LYPD6B: variants seen among roughly 807,000 people sequenced by gnomAD.
The protein encoded by LYPD6B is ly6/PLAUR domain-containing protein 6B.
A neutral mutation model predicts 22.8 loss-of-function variants in LYPD6B; 17 were observed. The observed-to-expected ratio is 0.75, with a 90% CI of 0.51 to 1.12. The LOEUF is 1.12. LYPD6B is among the 50% of genes most tolerant of loss of function. LYPD6B has a pLI of 0.00. For missense variants in LYPD6B, 221 were observed against 258.3 expected (o/e 0.86, Z 0.99); for synonymous variants, 106 against 91.6 (o/e 1.16, Z -0.90).
intron 2 of LYPD6B, chr2:149,131,371 T>A (rs1688018135): frequency 1.2e-5 from 2 of 163,662 alleles, no homozygotes; most frequent in Admixed American, 1.3e-4. Context: ...TTATTTTATT[T>A]TCCTATGGAT....
intron 1 of LYPD6B, among the ~76,000 whole-genome samples, chr2:149,103,689 C>A (rs1686324601): frequency 1.3e-5 from 2 of 150,160 alleles, no homozygotes; most frequent in African/African-American, 4.9e-5. Context: ...CAGGGAAGTA[C>A]TTTCTGCCAG....
At chr2:149,133,891 A>G (rs1688185547) in intron 2 of LYPD6B, among the ~76,000 whole-genome samples, 1 of 152,224 alleles carries the variant, frequency 6.6e-6, no homozygotes, top group South Asian at 2.1e-4. Flanking sequence ...ACAGCAGTGA[A>G]CAAGCCATGG....
intron 3 of LYPD6B, among the ~76,000 whole-genome samples, chr2:149,204,348 A>G (rs977102071): frequency 1.3e-5 from 2 of 152,186 alleles, no homozygotes; most frequent in Non-Finnish European, 2.9e-5. Flanking sequence ...TCTGCTGCCC[A>G]CACCTCCTCC....
At chr2:149,126,439 C>T (rs1382557490) in intron 1 of LYPD6B, among the ~76,000 whole-genome samples, 1 of 152,036 alleles carries the variant, frequency 6.6e-6, no homozygotes, top group Non-Finnish European at 1.5e-5. Context: ...TGTATTCTTA[C>T]AATAAGGTGA....
chr2:149,124,517 C>G (rs1454322818), intron 1 of LYPD6B, among the ~76,000 whole-genome samples: 1 of 152,132 alleles, frequency 6.6e-6, no homozygotes, highest in African/African-American at 2.4e-5. Flanking sequence ...AGTAGCTCAG[C>G]ATTCTCAACT....
Position 149,205,353 on chromosome 2 carries a change from T to C in LYPD6B, c.178T>C (p.Trp60Arg), listed in dbSNP as rs1693443771. The change falls in exon 4 of 7, where the codon TGG becomes CGG. Residue 60 changes from tryptophan to arginine, a missense_variant. By Grantham distance (101) the Trp-to-Arg change is moderately radical. Coordinates refer to ENST00000409642, the MANE Select transcript of LYPD6B (RefSeq NM_177964.5). ...CCAGATCGTTATCTTCTCAGAAAGC[T>C]GGGCATTTGCCAAGAACATCAACTT... is the stretch of plus-strand genomic sequence containing the variant. ...VVQIVIFSES[W>R]AFAKNINFYN... The C allele has an allele frequency of 2.5e-6, 4 of 1,614,036 alleles. No homozygotes were observed. In the South Asian group the frequency reaches 4.4e-5, roughly 18 times the overall value.
intron 3 of LYPD6B, among the ~76,000 whole-genome samples, chr2:149,165,440 C>T (rs1407234711): frequency 6.6e-6 from 1 of 152,070 alleles, no homozygotes; most frequent in East Asian, 1.9e-4. Flanking sequence ...ATTTAAAAAT[C>T]CTGGAATAGG....
In LYPD6B at chr2:149,160,830, C is replaced by T; in HGVS notation, c.72C>T (p.Phe24=). 1 of 1,551,520 alleles carries T rather than the reference C, an allele frequency of 6.4e-7. No homozygotes were observed. Among genetic ancestry groups the T allele is most frequent in the Admixed American group, 2.0e-5 (1 of 51,218 alleles). The change falls in exon 3 of 7, where the codon TTC becomes TTT. Residue 24 remains phenylalanine, a synonymous_variant. Coordinates refer to ENST00000409642, the MANE Select transcript of LYPD6B (RefSeq NM_177964.5). ...GGAGCCTGACAACCACATTCTCCTT[C>T]TCAAGGTAAGAATGGCAGCTGTTAC... ...PERSLTTTFS[F]SRYKSSDRPA... is the part of the protein sequence containing the mutation.
intron 1 of LYPD6B, among the ~76,000 whole-genome samples, chr2:149,128,188 T>C (rs1187753743): frequency 1.3e-5 from 2 of 152,194 alleles, no homozygotes; most frequent in Non-Finnish European, 2.9e-5. Context: ...AAATCAAGCT[T>C]GAGTCTAATA....
intron 1 of LYPD6B, among the ~76,000 whole-genome samples, chr2:149,083,298 C>G (rs753771900): frequency 6.6e-6 from 1 of 152,224 alleles, no homozygotes; most frequent in South Asian, 2.1e-4. Flanking sequence ...TGAGGACATT[C>G]TCCCTACATT....
At chr2:149,189,342 T>TTATATATATATAATTATATATATATATA (rs1553500264) in intron 3 of LYPD6B, among the ~76,000 whole-genome samples, 4 of 66,104 alleles carry the variant, frequency 6.1e-5, no homozygotes, top group Non-Finnish European at 8.7e-5. Context: ...TTGTCCAAAA[T>TTATATATATATAATTATATATATATATA]TATATATATA....
chr2:149,141,218 A>C (rs1688673034), intron 2 of LYPD6B, among the ~76,000 whole-genome samples: 1 of 152,194 alleles, frequency 6.6e-6, no homozygotes, highest in Non-Finnish European at 1.5e-5. Context: ...GAGTGAATGC[A>C]GGGAGTAAGC....
At chr2:149,203,997 C>T (rs1294691830) in intron 3 of LYPD6B, among the ~76,000 whole-genome samples, 2 of 152,188 alleles carry the variant, frequency 1.3e-5, no homozygotes, top group Non-Finnish European at 2.9e-5. Context: ...ATGCAGAGAT[C>T]AAACCTTTTT....
chr2:149,183,847 A>ATG (rs781704283), intron 3 of LYPD6B, among the ~76,000 whole-genome samples: 2,243 of 140,028 alleles, frequency 0.016, 20 homozygotes, highest in Non-Finnish European at 0.024. Context: ...GTGTATGTGT[A>ATG]TGTGTGTGTG....
intron 3 of LYPD6B, chr2:149,187,672 A>G: frequency 1.7e-6 from 1 of 590,432 alleles, no homozygotes; most frequent in Admixed American, 3.9e-5. Flanking sequence ...TGTGGGCCAC[A>G]TTAGAAGAAG....
At chr2:149,083,648 G>T (rs770186754) in intron 1 of LYPD6B, among the ~76,000 whole-genome samples, 3 of 152,136 alleles carry the variant, frequency 2.0e-5, no homozygotes, top group Non-Finnish European at 2.9e-5. Context: ...GTTTACAGGC[G>T]TGAGTAGATT....
intron 1 of LYPD6B, among the ~76,000 whole-genome samples, chr2:149,056,879 G>A (rs1273868616): frequency 1.3e-5 from 2 of 152,224 alleles, no homozygotes; most frequent in East Asian, 3.9e-4. Flanking sequence ...TACGTTATCC[G>A]ACTCCACATC....
At chr2:149,101,953 G>A (rs564159865) in intron 1 of LYPD6B, among the ~76,000 whole-genome samples, 3 of 152,126 alleles carry the variant, frequency 2.0e-5, no homozygotes, top group Non-Finnish European at 4.4e-5. Context: ...AGAAAGTAAA[G>A]TACCCCTTTG....
At chr2:149,137,570 CAT>C (rs1170374772) in intron 2 of LYPD6B, among the ~76,000 whole-genome samples, 6 of 152,154 alleles carry the variant, frequency 3.9e-5, no homozygotes, top group East Asian at 1.9e-4. Context: ...TGATACAACT[CAT>C]GTGCTTAGAA....
Sources: allele counts gnomAD v4.1 joint callset (sites outside exome capture counted in the v4.1 genomes callset), GRCh38; gene constraint gnomAD v4.1.1; transcripts MANE v1.5; gene names NCBI Gene and HGNC (gene_info 2026-07-23, HGNC 2026-07-21).